The following SYCE1 variants were observed in gnomAD, a reference collection of about 807,000 sequenced individuals.
SYCE1 encodes the protein synaptonemal complex central element protein 1, also known as cancer/testis antigen 76.
Under a neutral mutation model 55.1 loss-of-function variants are expected in SYCE1, and 37 were observed. That is an observed-to-expected ratio of 0.67 (90% confidence interval 0.52 to 0.88). SYCE1 has a LOEUF of 0.88. Ranked by LOEUF, SYCE1 falls within the 40% of genes least tolerant of loss-of-function variation. SYCE1 has a pLI of 0.00. For missense variants in SYCE1, 399 were observed against 416.4 expected, an observed-to-expected ratio of 0.96 and a Z score of 0.36; for synonymous variants, 163 against 159.4, an observed-to-expected ratio of 1.02 and a Z score of -0.17.
In SYCE1 at chr10:133,560,233, G is replaced by A. The variant is rs1217057164; in HGVS notation, c.74-80C>T. On this transcript the variant is annotated intron_variant, in intron 1 of 12. Transcript: ENST00000343131. The stretch of plus-strand genomic sequence containing the variant: ...GGGCTGAGACTGAGGCAGGCTGAGG[G>A]CAGGTCTCCAGCCAGAGTGGTGCCC... 1.6e-5 allele frequency: 20 copies of A among 1,277,108 alleles called. No homozygotes were observed. In the East Asian group the frequency reaches 3.5e-4, roughly 22 times the overall value. 79.1% of individuals were successfully genotyped at this position (1,277,108 alleles called of 1,614,324 possible).
In SYCE1 at chr10:133,560,007, C is replaced by T. The variant is rs906086780; in HGVS notation, c.136+84G>A. 39 of 1,141,050 alleles carry T rather than the reference C, an allele frequency of 3.4e-5. No homozygotes were observed. In the Middle Eastern group the frequency reaches 5.8e-4, roughly 17 times the overall value. The allele number at this position is 1,141,050 out of a possible 1,614,324, so 70.7% of individuals were successfully genotyped here. A position where few individuals can be genotyped will look rare whatever the true frequency, so the allele number is the denominator to read the frequency against. Reference sequence around the variant, plus strand: ...GGTGAAGAGGATTATTTCCCAAATTCGTACATTGTGGGGCCTGAAATTAAA... The same window carrying T: ...GGTGAAGAGGATTATTTCCCAAATTTGTACATTGTGGGGCCTGAAATTAAA... On this transcript the variant is annotated intron_variant, in intron 2 of 12. Transcript: ENST00000343131.
chr10:133,566,559 G>A (rs1330809774), upstream of SYCE1, among the ~76,000 whole-genome samples: 1 of 139,642 alleles, frequency 7.2e-6, no homozygotes, highest in African/African-American at 2.5e-5. Flanking sequence ...GCTAGGGTCG[G>A]GGTAGGGGTA....
chr10:133,558,739 G>A lies in SYCE1; in HGVS notation c.271+138C>T, dbSNP rs575807871. The A allele has an allele frequency of 7.5e-6, 6 of 803,664 alleles. No homozygotes were observed. In the East Asian group the frequency reaches 1.4e-4, roughly 18 times the overall value. 49.8% of individuals were successfully genotyped at this position (803,664 alleles called of 1,614,324 possible). A position where few individuals can be genotyped will look rare whatever the true frequency, so the allele number is the denominator to read the frequency against. ...AACACTCCCACAAGCAGAGAGGAGAGGGGGAGATTGGCAGGACATGAGGCT... is the reference window on the plus strand; with the variant it reads ...AACACTCCCACAAGCAGAGAGGAGAAGGGGAGATTGGCAGGACATGAGGCT... On this transcript the variant is annotated intron_variant, in intron 4 of 12. Transcript: ENST00000343131.
At chr10:133,556,654 T>C in intron 8 of SYCE1, 105 bp downstream of exon 8, 1 of 1,195,712 alleles carries the variant, frequency 8.4e-7, no homozygotes, top group Non-Finnish European at 1.2e-6. Context: ...CCACCAGGGC[T>C]TGCTTGGCGA....
upstream of SYCE1, among the ~76,000 whole-genome samples, chr10:133,566,452 G>A (rs1386186847): frequency 6.7e-6 from 1 of 148,696 alleles, no homozygotes; most frequent in African/African-American, 2.6e-5. Flanking sequence ...AGGGTTTAGG[G>A]GTTAGAAGTT....
chr10:133,560,298 C>T (rs1589969079), intron 1 of SYCE1, 145 bp from the exon 2 acceptor site: 9 of 607,358 alleles, frequency 1.5e-5, no homozygotes, highest in Admixed American at 3.1e-5. Context: ...CTAGATGAAT[C>T]GGGCTCCTCC....
At chr10:133,557,237 T>C (rs895201949) in intron 6 of SYCE1, 81 bp from the exon 7 acceptor site, 9 of 1,166,654 alleles carry the variant, frequency 7.7e-6, no homozygotes, top group Admixed American at 5.3e-5. Flanking sequence ...CCTCCCTCTA[T>C]TGAGGCTATT....
chr10:133,555,170 C>T, intron 12 of SYCE1, 41 bp from the exon 13 acceptor site: 1 of 1,532,200 alleles, frequency 6.5e-7, no homozygotes, highest in Non-Finnish European at 8.8e-7. Flanking sequence ...TTACACCCAT[C>T]CCCATGGCCA....
chr10:133,555,085 G>C lies in SYCE1; in HGVS notation c.963C>G (p.His321Gln). ...PLKGERPGAA[H>Q]QAGPDVLIGQ... ...CTATGAGGACATCAGGCCCTGCTTG[G>C]TGTGCAGCTCCAGGTCTTTCTCCTT... The change falls in exon 13 of 13, where the codon CAC becomes CAG. Residue 321 changes from histidine (H) to glutamine (Q), a missense_variant. Transcript: ENST00000343131. 6.4e-7 allele frequency: 1 copy of C among 1,551,364 alleles called. No individual in the cohort carries two copies. Among genetic ancestry groups the C allele is most frequent in the Non-Finnish European group, 8.7e-7 (1 of 1,146,940 alleles).
At chr10:133,556,401 C>T in intron 8 of SYCE1, 1 of 526,038 alleles carries the variant, frequency 1.9e-6, no homozygotes, top group Non-Finnish European at 3.4e-6. Flanking sequence ...GACCTCCTCA[C>T]TGAGCCCTTC....
rs140857638 is a variant in SYCE1, at chr10:133,558,877, G to A, written c.271C>T (p.Leu91=). The part of the protein sequence containing the change: ...CEALQKELDS[L]HGEKVHLKEI... ...TCTGGGTGACCCCCGGCTCTCTTAC[G>A]CGAGTCCAGTTCCTTCTGCAGGGCC... The change falls in exon 4 of 13, where the codon CTG becomes TTG. Residue 91 remains leucine (L), a splice_region_variant and synonymous_variant. Transcript: ENST00000343131. 77 of 1,613,584 alleles carry A rather than the reference G, an allele frequency of 4.8e-5. No homozygotes were observed. The highest frequency in any genetic ancestry group is 3.7e-4 in the African/African-American group (28 of 74,934).
upstream of SYCE1, chr10:133,568,082 C>T (rs999946177): frequency 7.2e-6 from 5 of 689,792 alleles, no homozygotes; most frequent in African/African-American, 7.0e-5. Flanking sequence ...GGTCACCGAG[C>T]CCAGCCAGGC....
chr10:133,554,131 T>C, downstream of SYCE1: 1 of 553,300 alleles, frequency 1.8e-6, no homozygotes, highest in Non-Finnish European at 3.1e-6. Context: ...CCACTTGATT[T>C]AAAAGTCATG....
chr10:133,565,185 T>C (rs1851898158), intron 1 of SYCE1, among the ~76,000 whole-genome samples: 1 of 152,164 alleles, frequency 6.6e-6, no homozygotes, highest in Non-Finnish European at 1.5e-5. Flanking sequence ...GTATGTAAAG[T>C]CTGTGGGACA....
chr10:133,557,201 AGGAGGGCACTGGGCTG>A (rs772472510), intron 6 of SYCE1, 45 bp from the exon 7 acceptor site: 3 of 1,560,802 alleles, frequency 1.9e-6, no homozygotes, highest in Non-Finnish European at 2.6e-6. Context: ...CTTAAGCCCC[AGGAGGGCACTGGGCTG>A]GGGCTTCTGC....
intron 2 of SYCE1, 49 bp downstream of exon 2, chr10:133,560,042 G>A: frequency 6.5e-7 from 1 of 1,539,528 alleles, no homozygotes; most frequent in Middle Eastern, 1.7e-4. Context: ...ACCCACATCT[G>A]CCTGGCCCCA....
chr10:133,556,685 G>C, intron 8 of SYCE1, 74 bp downstream of exon 8: 1 of 1,478,202 alleles, frequency 6.8e-7, no homozygotes, highest in Admixed American at 2.0e-5. Flanking sequence ...CAGGTGAGAG[G>C]AAGAAGTGAC....
At position 133,557,170 on chromosome 10, in the gene SYCE1, G is replaced by A. The variant is rs771159749; in HGVS notation, c.375-14C>T. The A allele has an allele frequency of 5.0e-6, 8 of 1,612,004 alleles. No homozygotes were observed. The highest frequency in any genetic ancestry group is 6.8e-6 in the Non-Finnish European group (8 of 1,178,654). On this transcript the variant is annotated splice_polypyrimidine_tract_variant and intron_variant, in intron 6 of 12. Transcript: ENST00000343131. Reference sequence around the variant, plus strand: ...ATGGTGTGCTTCCTGGGAGAGGCGAGGCAGCCCTCAGCCATGTTCTCTTAA... The same window carrying A: ...ATGGTGTGCTTCCTGGGAGAGGCGAAGCAGCCCTCAGCCATGTTCTCTTAA...
chr10:133,562,859 A>C (rs933476427), intron 1 of SYCE1, among the ~76,000 whole-genome samples: 16 of 152,322 alleles, frequency 1.1e-4, no homozygotes, highest in African/African-American at 3.6e-4. Flanking sequence ...TCACTATCTA[A>C]ATAAAATTGG....
Sources: gnomAD v4.1 joint callset for allele counts (sites outside exome capture counted in the v4.1 genomes callset) on GRCh38, gnomAD v4.1.1 for gene constraint, MANE v1.5 for transcripts, NCBI Gene and HGNC (gene_info 2026-07-23, HGNC 2026-07-21) for gene names.